Variants in TLN1 observed in about 807,000 individuals in gnomAD.
The protein encoded by TLN1 is talin-1.
A neutral mutation model predicts 292.3 loss-of-function variants in TLN1; 56 were observed. That is an observed-to-expected ratio of 0.19 (90% confidence interval 0.15 to 0.24). The LOEUF is 0.24. Among genes scored for constraint, TLN1 ranks in the 10% least tolerant of loss-of-function variants. The probability of loss-of-function intolerance (pLI) is 1.00; values close to 1 mark genes in which losing one functional copy is unlikely to be tolerated. For missense variants in TLN1, 2,433 were observed against 3,248.2 expected (o/e 0.75, Z 6.10); for synonymous variants, 1,119 against 1,253.7 (o/e 0.89, Z 2.27).
At position 35,717,677 on chromosome 9, in the gene TLN1, A is replaced by G. The variant is rs779174630; in HGVS notation, c.2105T>C (p.Val702Ala). The G allele has an allele frequency of 2.7e-5, 43 of 1,613,990 alleles. No homozygotes were observed. The highest frequency in any genetic ancestry group is 3.6e-5 in the Non-Finnish European group (43 of 1,179,986). ...RTEDSGLQTQVIAAATQCALS... is the reference protein window; with the variant it reads ...RTEDSGLQTQAIAAATQCALS... ...GGCACACTGTGTTGCTGCAGCAATA[A>G]CTTGGGTCTGAAGTCCCGAGTCCTC... Residue 702 changes from valine (V) to alanine (A), a missense_variant, in exon 18 of 57, where the codon GTT becomes GCT. Around this residue, in one of 7 missense-constraint regions of TLN1, gnomAD observed 617 missense variants for 770.6 expected, o/e 0.80. Coordinates refer to ENST00000314888, the MANE Select transcript of TLN1 (RefSeq NM_006289.4). This position sits in a 1 kb window ranked among gnomAD's most constrained non-coding sequence, Gnocchi z 4.7.
rs886251754 is a variant in TLN1, at chr9:35,727,684, G to A, written c.-33-1957C>T. Among the ~76,000 whole-genome samples the A allele has an allele frequency of 2.0e-5, 3 of 152,284 alleles. No homozygotes were observed. The South Asian group carries it at 6.2e-4, about 32-fold the overall frequency. On this transcript the variant is annotated intron_variant, in intron 1 of 56. Coordinates refer to ENST00000314888, the MANE Select transcript of TLN1 (RefSeq NM_006289.4). The stretch of plus-strand genomic sequence containing the variant: ...ATGAAAGAATGAGGGCTGGGCTGGT[G>A]GATCCGAGAAGCTGGAGGAGTCTGT...
chr9:35,706,304 C>A lies in TLN1; in HGVS notation c.5253G>T (p.Lys1751Asn). 6.2e-7 allele frequency: 1 copy of A among 1,613,788 alleles called. No homozygotes were observed. Among genetic ancestry groups the A allele is most frequent in the Non-Finnish European group, 8.5e-7 (1 of 1,179,770 alleles). The change falls in exon 40 of 57, where the codon AAG becomes AAT. Residue 1751 changes from lysine to asparagine, a missense_variant. Physicochemically the swap from Lys to Asn is moderately conservative, Grantham distance 94 (BLOSUM62 0). Around this residue, in one of 7 missense-constraint regions of TLN1, gnomAD observed 1,384 missense variants for 1,699.6 expected, o/e 0.81. Transcript: ENST00000314888. This position sits in a 1 kb window ranked among gnomAD's most constrained non-coding sequence, Gnocchi z 4.2. ...CCATCTGCTGCGGGTGGCTCAGGGT[C>A]TTGGAGGCAGCACCCACTGCAGCCA... The part of the protein sequence containing the change: ...LTLAAVGAAS[K>N]TLSHPQQMAL...
intron 1 of TLN1, among the ~76,000 whole-genome samples, chr9:35,730,382 A>T (rs916047583): frequency 6.6e-6 from 1 of 151,418 alleles, no homozygotes; most frequent in Non-Finnish European, 1.5e-5. Flanking sequence ...TGGGATCAGC[A>T]AGACCCAGTT....
chr9:35,720,943 A>G (rs1327474286), intron 10 of TLN1, 30 bp from the exon 11 acceptor site: 1 of 1,557,920 alleles, frequency 6.4e-7, no homozygotes, highest in Non-Finnish European at 8.9e-7. Context: ...ACTCAGAGGG[A>G]AAGCTCAAAT....
At chr9:35,713,879 T>C in intron 25 of TLN1, 74 bp downstream of exon 25, 1 of 1,513,974 alleles carries the variant, frequency 6.6e-7, no homozygotes, top group Non-Finnish European at 9.0e-7. Flanking sequence ...GGAAAGGTTT[T>C]GAGCAGCTCT....
intron 25 of TLN1, 122 bp from the exon 26 acceptor site, chr9:35,713,420 C>G: frequency 1.4e-6 from 1 of 731,012 alleles, no homozygotes; most frequent in Non-Finnish European, 2.2e-6. Context: ...GCGATGGCTC[C>G]CACCTATAAT....
chr9:35,714,986 C>T lies in TLN1; in HGVS notation c.2754+73G>A, dbSNP rs1026775886. On this transcript the variant is annotated intron_variant, in intron 21 of 56. Transcript: ENST00000314888. This position sits in a 1 kb window ranked among gnomAD's most constrained non-coding sequence, Gnocchi z 4.6. Reference sequence around the variant, plus strand: ...CAAGGACGTATTAACTTACTCTCCGCACCTCCCTTTCAGTTCATTCCTCCC... The same window carrying T: ...CAAGGACGTATTAACTTACTCTCCGTACCTCCCTTTCAGTTCATTCCTCCC... The T allele has an allele frequency of 8.4e-5, 136 of 1,611,290 alleles. No individual in the cohort carries two copies. The highest frequency in any genetic ancestry group is 1.1e-4 in the Non-Finnish European group (124 of 1,179,876).
At position 35,718,930 on chromosome 9, in the gene TLN1, G is replaced by A; in HGVS notation, c.1897-20C>T. The A allele has an allele frequency of 6.2e-7, 1 of 1,608,644 alleles. No individual in the cohort carries two copies. Among genetic ancestry groups the A allele is most frequent in the East Asian group, 2.2e-5 (1 of 44,530 alleles). On this transcript the variant is annotated intron_variant, in intron 16 of 56. Coordinates refer to ENST00000314888, the MANE Select transcript of TLN1 (RefSeq NM_006289.4). ...ACGGGGCTGTGGAGAGTGAACACCA[G>A]TCAGAAGCTGCCCAATCCCTGCCCA...
In TLN1 at chr9:35,722,134, G is replaced by A. The variant is rs755223082; in HGVS notation, c.933C>T (p.Ser311=). ...LARSLKTYGV[S]FFLVKEKMKG... is the part of the protein sequence containing the mutation. ...CATAACCTACCTTCACCAGGAAGAA[G>A]GAGACACCGTAAGTCTTGAGAGAAC... Residue 311 remains serine (S), a synonymous_variant, in exon 9 of 57, where the codon TCC becomes TCT. Coordinates refer to ENST00000314888, the MANE Select transcript of TLN1 (RefSeq NM_006289.4). The A allele has an allele frequency of 3.0e-5, 48 of 1,614,062 alleles. 1 individual carries two copies. The highest frequency in any genetic ancestry group is 1.8e-5 in the Non-Finnish European group (21 of 1,180,006).
At chr9:35,721,542 TGGAGTAA>T in intron 10 of TLN1, 99 bp downstream of exon 10, 3 of 1,277,558 alleles carry the variant, frequency 2.3e-6, no homozygotes, top group Admixed American at 2.7e-5. Context: ...CCTTTTTTTC[TGGAGTAA>T]TACTCAGTAT....
chr9:35,714,841 C>A lies in TLN1; in HGVS notation c.2790G>T (p.Gln930His). ...AAKQAAASAT[Q>H]TIAAAQHAAS... ...CTGCGTGCTGAGCTGCAGCGATGGTCTGTGTGGCTGAGGCTGCAGCCTGCT... is the reference window on the plus strand; with the variant it reads ...CTGCGTGCTGAGCTGCAGCGATGGTATGTGTGGCTGAGGCTGCAGCCTGCT... The change falls in exon 22 of 57, where the codon CAG (glutamine) becomes CAT (histidine). Residue 930 changes from glutamine to histidine, a missense_variant. Physicochemically the swap from Gln to His is conservative, Grantham distance 24. Transcript: ENST00000314888. The surrounding 1 kb of genome is among the most constrained non-coding windows in gnomAD (Gnocchi z 4.6). 2 of 1,570,698 alleles carry A rather than the reference C, an allele frequency of 1.3e-6. No individual in the cohort carries two copies. Among genetic ancestry groups the A allele is most frequent in the South Asian group, 2.4e-5 (2 of 83,112 alleles).
At position 35,717,839 on chromosome 9, in the gene TLN1, A is replaced by G. The variant is rs766363678; in HGVS notation, c.1996-53T>C. ...CTGAGATTGGGCTTGGGATTCACAG[A>G]CACTTCTCAGAGGCGTAAGCTGCTT... On this transcript the variant is annotated intron_variant, in intron 17 of 56. Coordinates refer to ENST00000314888, the MANE Select transcript of TLN1 (RefSeq NM_006289.4). This position sits in a 1 kb window ranked among gnomAD's most constrained non-coding sequence, Gnocchi z 4.7. 1.3e-4 allele frequency: 204 copies of G among 1,562,344 alleles called. No individual in the cohort carries two copies. Among genetic ancestry groups the G allele is most frequent in the Non-Finnish European group, 1.7e-4 (194 of 1,146,160 alleles).
chr9:35,710,892 T>G lies in TLN1; in HGVS notation c.4114-6A>C. ...TCCAGGAGTTCCCGGACCGTCTGTG[T>G]AGGGGGAGGGCAAAGTGAGATCCAA... On this transcript the variant is annotated splice_region_variant and splice_polypyrimidine_tract_variant and intron_variant, in intron 31 of 56. Coordinates refer to ENST00000314888, the MANE Select transcript of TLN1 (RefSeq NM_006289.4). The G allele has an allele frequency of 6.2e-7, 1 of 1,614,124 alleles. No homozygotes were observed. Among genetic ancestry groups the G allele is most frequent in the South Asian group, 1.1e-5 (1 of 91,082 alleles).
Position 35,718,888 on chromosome 9 carries a change from G to A in TLN1, c.1919C>T (p.Ala640Val). The stretch of plus-strand genomic sequence containing the variant: ...ACTGGCCTGGCCCACGTTCCCAGCT[G>A]CTTGCAGCAGGTTCTGACGGGGCTG... ...SAEPRQNLLQ[A>V]AGNVGQASGE... Residue 640 changes from alanine (A) to valine (V), a missense_variant, in exon 17 of 57, where the codon GCA (alanine) becomes GTA (valine). Physicochemically the swap from Ala to Val is moderately conservative, Grantham distance 64. Transcript: ENST00000314888. 6.2e-7 allele frequency: 1 copy of A among 1,613,210 alleles called. No homozygotes were observed.
Position 35,697,296 on chromosome 9 carries a change from C to A in TLN1, c.*495G>T, listed in dbSNP as rs933553548. 6.5e-6 allele frequency: 1 copy of A among 154,692 alleles called. No individual in the cohort carries two copies. The highest frequency in any genetic ancestry group is 2.0e-4 in the South Asian group (1 of 4,978). The allele number at this position is 154,692 out of a possible 1,614,324, so 9.6% of individuals were successfully genotyped here. A position where few individuals can be genotyped will look rare whatever the true frequency, so the allele number is the denominator to read the frequency against. On this transcript the variant is annotated 3_prime_UTR_variant, in exon 57 of 57. Transcript: ENST00000314888. The stretch of plus-strand genomic sequence containing the variant: ...TCAACCCCACTGTCTCTCCTACTGC[C>A]CTGGGAGAAAACTTGTATCTCCCTT...
At position 35,714,807 on chromosome 9, in the gene TLN1, G is replaced by A. The variant is rs1325238036; in HGVS notation, c.2824C>T (p.Pro942Ser). 2.5e-6 allele frequency: 4 copies of A among 1,579,916 alleles called. No individual in the cohort carries two copies. Among genetic ancestry groups the A allele is most frequent in the East Asian group, 2.2e-5 (1 of 44,606 alleles). The change falls in exon 22 of 57, where the codon CCC becomes TCC. Residue 942 changes from proline to serine, a missense_variant. By Grantham distance (74) the Pro-to-Ser change is moderately conservative (BLOSUM62 -1). Coordinates refer to ENST00000314888, the MANE Select transcript of TLN1 (RefSeq NM_006289.4). The surrounding 1 kb of genome is among the most constrained non-coding windows in gnomAD (Gnocchi z 4.6). The stretch of plus-strand genomic sequence containing the variant: ...GGCTGGGGGCCGGCAGAGGCCTTGG[G>A]GGTAGAGGCTGCGTGCTGAGCTGCA... ...IAAAQHAAST[P>S]KASAGPQPLL...
chr9:35,706,779 T>C lies in TLN1; in HGVS notation c.5077A>G (p.Ile1693Val), dbSNP rs1484302527. ...VSQQLAPREG[I>V]SQEALHTQML... ...CCTCTCCCTCTCACCTCTTGAGAGATTCCCTCACGGGGAGCAAGCTGCTGG... is the reference window on the plus strand; with the variant it reads ...CCTCTCCCTCTCACCTCTTGAGAGACTCCCTCACGGGGAGCAAGCTGCTGG... The change falls in exon 38 of 57, where the codon ATC (isoleucine) becomes GTC (valine). Residue 1693 changes from isoleucine (I) to valine (V), a missense_variant. Physicochemically the swap from Ile to Val is conservative, Grantham distance 29 (BLOSUM62 3). Transcript: ENST00000314888. This position sits in a 1 kb window ranked among gnomAD's most constrained non-coding sequence, Gnocchi z 4.2. 2 of 1,613,908 alleles carry C rather than the reference T, an allele frequency of 1.2e-6. No homozygotes were observed. Among genetic ancestry groups the C allele is most frequent in the African/African-American group, 2.7e-5 (2 of 75,050 alleles).
At chr9:35,729,672 G>C (rs1029938418) in intron 1 of TLN1, among the ~76,000 whole-genome samples, 3 of 141,304 alleles carry the variant, frequency 2.1e-5, no homozygotes, top group African/African-American at 7.4e-5. Flanking sequence ...GAACAAGTTT[G>C]GGGAGGTAGA....
At position 35,708,378 on chromosome 9, in the gene TLN1, C is replaced by A. The variant is rs781761015; in HGVS notation, c.4433G>T (p.Cys1478Phe). 2.0e-5 allele frequency: 33 copies of A among 1,611,166 alleles called. No homozygotes were observed. The highest frequency in any genetic ancestry group is 2.8e-5 in the Non-Finnish European group (33 of 1,178,448). The part of the protein sequence containing the change: ...ARANQAIQMA[C>F]QSLGEPGCTQ... ...ACAGCCAGGCTCTCCCAAACTCTGG[C>A]AGGCCATCTGAATTGCCTGGTTTGC... Residue 1478 changes from cysteine (C) to phenylalanine (F), a missense_variant, in exon 34 of 57, where the codon TGC becomes TTC. Physicochemically the swap from Cys to Phe is radical, Grantham distance 205 (BLOSUM62 -2). This residue lies in a region of TLN1 where 1,384 missense variants were observed against 1,699.6 expected (regional missense o/e 0.81). Transcript: ENST00000314888.
Sources: allele counts gnomAD v4.1 joint callset (sites outside exome capture counted in the v4.1 genomes callset), GRCh38; gene constraint gnomAD v4.1.1; regional missense constraint gnomAD v4.1.1; non-coding constraint Gnocchi (gnomAD v3.1); transcripts MANE v1.5; gene names NCBI Gene and HGNC (gene_info 2026-07-23, HGNC 2026-07-21).